The following ZPBP variants were observed in gnomAD, a reference collection of about 807,000 sequenced individuals.
ZPBP encodes the protein zona pellucida-binding protein 1.
ZPBP carries 26 observed loss-of-function variants against 44.8 expected under a neutral mutation model. The observed-to-expected ratio is 0.58, with a 90% CI of 0.43 to 0.81. The LOEUF (loss-of-function observed/expected upper bound fraction) is 0.81, where lower values mean the gene tolerates loss of function less well. ZPBP is among the 30% of genes least tolerant of loss of function. The pLI is 0.00. For synonymous variants in ZPBP, 174 were observed against 153.2 expected (o/e 1.14, Z -1.00); for missense variants, 409 against 434.0 (o/e 0.94, Z 0.51).
intron 1 of ZPBP, among the ~76,000 whole-genome samples, chr7:49,904,279 G>C (rs1197379832): frequency 6.6e-6 from 1 of 152,106 alleles, no homozygotes; most frequent in Non-Finnish European, 1.5e-5. Flanking sequence ...CTCACTATCT[G>C]CCTAAGTGAT....
intron 7 of ZPBP, among the ~76,000 whole-genome samples, chr7:49,979,453 T>G (rs1336236585): frequency 6.6e-6 from 1 of 152,008 alleles, no homozygotes; most frequent in Non-Finnish European, 1.5e-5. Context: ...ATACTTCTTA[T>G]GACAAGAATA....
chr7:49,940,683 T>A (rs62445819), intron 7 of ZPBP: 1 of 887,924 alleles, frequency 1.1e-6, no homozygotes, highest in Non-Finnish European at 1.3e-6. Flanking sequence ...TTTGAAATGA[T>A]TAAAAAAAAA....
At chr7:49,943,440 A>G (rs1177287280) in intron 7 of ZPBP, 1 of 434,226 alleles carries the variant, frequency 2.3e-6, no homozygotes, top group African/African-American at 2.1e-5. Context: ...CTTTCTTGGA[A>G]CACTATGTTT....
At chr7:49,879,579 G>A (rs1198122153) in intron 2 of ZPBP, among the ~76,000 whole-genome samples, 2 of 152,210 alleles carry the variant, frequency 1.3e-5, no homozygotes, top group East Asian at 3.9e-4. Flanking sequence ...GTTCCAGAAC[G>A]CAGCACTTCT....
At chr7:50,065,495 A>G (rs1245413911) in intron 3 of ZPBP, among the ~76,000 whole-genome samples, 1 of 151,030 alleles carries the variant, frequency 6.6e-6, no homozygotes, top group East Asian at 1.9e-4. Flanking sequence ...TGCTTCTGTG[A>G]AAGCCTTTTC....
chr7:50,046,810 A>G (rs1177343463), intron 4 of ZPBP, among the ~76,000 whole-genome samples: 1 of 152,196 alleles, frequency 6.6e-6, no homozygotes, highest in East Asian at 1.9e-4. Flanking sequence ...TGCCCAAAGG[A>G]TTATAAATCA....
chr7:49,898,426 C>T (rs1402638238), intron 2 of ZPBP, among the ~76,000 whole-genome samples: 1 of 151,812 alleles, frequency 6.6e-6, no homozygotes, highest in Non-Finnish European at 1.5e-5. Context: ...GAACTTTGAA[C>T]ATTTCTTGTA....
chr7:49,863,388 T>C (rs867382389), intron 2 of ZPBP, among the ~76,000 whole-genome samples: 5 of 152,222 alleles, frequency 3.3e-5, no homozygotes, highest in Admixed American at 1.3e-4. Flanking sequence ...TGTTGATCTT[T>C]ACAAAGCACC....
At chr7:49,999,900 C>T (rs970570038) in intron 6 of ZPBP, among the ~76,000 whole-genome samples, 12 of 152,106 alleles carry the variant, frequency 7.9e-5, no homozygotes, top group Admixed American at 3.9e-4. Flanking sequence ...CACATAAAAA[C>T]CACAGGATAA....
intron 7 of ZPBP, among the ~76,000 whole-genome samples, chr7:49,954,040 C>T (rs946591061): frequency 1.3e-5 from 2 of 152,052 alleles, no homozygotes; most frequent in African/African-American, 4.8e-5. Flanking sequence ...AGATACATAA[C>T]TTCCAATTTC....
At chr7:50,025,712 T>G (rs1213973636) in intron 5 of ZPBP, among the ~76,000 whole-genome samples, 1 of 151,866 alleles carries the variant, frequency 6.6e-6, no homozygotes, top group Non-Finnish European at 1.5e-5. Flanking sequence ...GGTTTGTTAA[T>G]GACTTTTTAC....
intron 6 of ZPBP, among the ~76,000 whole-genome samples, chr7:50,001,091 G>A (rs995078706): frequency 1.1e-4 from 16 of 152,238 alleles, no homozygotes; most frequent in African/African-American, 2.6e-4. Flanking sequence ...CACCCTGATC[G>A]TGCTCTTCTA....
chr7:49,974,828 A>G (rs1237526688), intron 7 of ZPBP, among the ~76,000 whole-genome samples: 1 of 152,218 alleles, frequency 6.6e-6, no homozygotes, highest in Admixed American at 6.5e-5. Flanking sequence ...ACAAAGGAAT[A>G]AAATAGCACC....
In ZPBP at chr7:49,977,311, T is replaced by C. The variant is rs185960722; in HGVS notation, c.961+6031A>G. On this transcript the variant is annotated intron_variant, in intron 7 of 7. Coordinates refer to ENST00000046087, the MANE Select transcript of ZPBP (RefSeq NM_007009.3). ...GATGAGTTTTATTTCGTACTGATAA[T>C]AGAACTATTTAAATACATGTAGTGA... Among the ~76,000 whole-genome samples, 263 of 152,144 alleles carry C rather than the reference T, an allele frequency of 1.7e-3. 2 individuals are homozygous for C. The South Asian group carries it at 0.018, about 10-fold the overall frequency.
At chr7:49,880,256 A>G (rs1791607162) in intron 2 of ZPBP, among the ~76,000 whole-genome samples, 1 of 152,164 alleles carries the variant, frequency 6.6e-6, no homozygotes, top group South Asian at 2.1e-4. Flanking sequence ...ATGTTGACAC[A>G]TTTCCATATA....
At chr7:49,909,826 G>A (rs1793308278) in intron 1 of ZPBP, among the ~76,000 whole-genome samples, 1 of 152,164 alleles carries the variant, frequency 6.6e-6, no homozygotes, top group South Asian at 2.1e-4. Context: ...GTCCAGGGCT[G>A]GGTGCGGCAA....
chr7:49,873,789 G>T (rs1791280007), intron 2 of ZPBP, among the ~76,000 whole-genome samples: 1 of 151,906 alleles, frequency 6.6e-6, no homozygotes, highest in Non-Finnish European at 1.5e-5. Context: ...GAAACAGGCT[G>T]AATGTGGCCA....
intron 4 of ZPBP, among the ~76,000 whole-genome samples, chr7:50,044,356 C>CA (rs1383205053): frequency 1.3e-5 from 2 of 151,982 alleles, no homozygotes; most frequent in Admixed American, 6.6e-5. Context: ...AAAAACTCTC[C>CA]AAAAAATCAA....
At chr7:50,080,915 A>T (rs947096069) in intron 3 of ZPBP, among the ~76,000 whole-genome samples, 2 of 151,788 alleles carry the variant, frequency 1.3e-5, no homozygotes, top group Admixed American at 1.3e-4. Context: ...CCAAGTAGTC[A>T]TTCACTAAAT....
Sources: gnomAD v4.1 joint callset for allele counts (sites outside exome capture counted in the v4.1 genomes callset) on GRCh38, gnomAD v4.1.1 for gene constraint, MANE v1.5 for transcripts, NCBI Gene and HGNC (gene_info 2026-07-23, HGNC 2026-07-21) for gene names.